The following TMEM163 variants were observed in gnomAD, a reference collection of about 807,000 sequenced individuals.
TMEM163 encodes the protein transmembrane protein 163.
Under a neutral mutation model 29.3 loss-of-function variants are expected in TMEM163, and 17 were observed. The observed-to-expected ratio is 0.58, with a 90% CI of 0.40 to 0.87. The LOEUF (loss-of-function observed/expected upper bound fraction) is 0.87. TMEM163 is among the 40% of genes least tolerant of loss of function. The probability of loss-of-function intolerance (pLI) is 0.00; values close to 1 mark genes in which losing one functional copy is unlikely to be tolerated. For synonymous variants in TMEM163, 157 were observed against 160.6 expected (o/e 0.98, Z 0.17); for missense variants, 303 against 381.5 (o/e 0.79, Z 1.71).
intron 5 of TMEM163, among the ~76,000 whole-genome samples, chr2:134,474,670 A>G (rs547465518): frequency 7.9e-4 from 121 of 152,308 alleles, no homozygotes; most frequent in African/African-American, 2.8e-3. Flanking sequence ...AAGTGAGTTT[A>G]ATAAGACCAC....
chr2:134,594,012 T>G (rs1195713421), intron 2 of TMEM163, among the ~76,000 whole-genome samples: 1 of 151,964 alleles, frequency 6.6e-6, no homozygotes, highest in Non-Finnish European at 1.5e-5. Flanking sequence ...GGTGGAGAAT[T>G]TAAAAGATGT....
rs1463585385 is a variant in TMEM163, at chr2:134,537,874, C to T, written c.458+12696G>A. 4.6e-5 allele frequency among the ~76,000 whole-genome samples: 7 copies of T among 152,176 alleles called. No individual in the cohort carries two copies. In the East Asian group the frequency reaches 1.3e-3, roughly 29 times the overall value. ...ACAATGACCCACTACTTCAATAGTA[C>T]TTTAATAACACTCAAGTACAAATCA... On this transcript the variant is annotated intron_variant, in intron 4 of 7. Transcript: ENST00000281924.
intron 2 of TMEM163, among the ~76,000 whole-genome samples, chr2:134,612,460 C>A (rs1682525334): frequency 6.6e-6 from 1 of 151,722 alleles, no homozygotes; most frequent in Admixed American, 6.6e-5. Context: ...TCATCCAGAG[C>A]AGATTTTAAG....
intron 4 of TMEM163, among the ~76,000 whole-genome samples, chr2:134,509,424 A>G (rs493729): frequency 0.4 from 60,221 of 151,964 alleles, 12,168 homozygotes; most frequent in South Asian, 0.62. Context: ...ATGTGAAGGC[A>G]CATCAGGCCT....
intron 2 of TMEM163, among the ~76,000 whole-genome samples, chr2:134,624,169 A>G (rs1682797438): frequency 6.6e-6 from 1 of 152,244 alleles, no homozygotes; most frequent in African/African-American, 2.4e-5. Context: ...ACATAAAGGC[A>G]GGTCTAGAAA....
At chr2:134,557,558 C>T (rs1188286452) in intron 2 of TMEM163, among the ~76,000 whole-genome samples, 1 of 152,104 alleles carries the variant, frequency 6.6e-6, no homozygotes, top group Non-Finnish European at 1.5e-5. Context: ...CAGGACAACT[C>T]AAGGTGGGGA....
At chr2:134,668,123 C>A (rs1232350946) in intron 2 of TMEM163, among the ~76,000 whole-genome samples, 1 of 152,108 alleles carries the variant, frequency 6.6e-6, no homozygotes, top group Non-Finnish European at 1.5e-5. Flanking sequence ...AAGAAATGGT[C>A]CAAAAGTAGC....
At chr2:134,598,953 G>T (rs1682160643) in intron 2 of TMEM163, among the ~76,000 whole-genome samples, 1 of 133,426 alleles carries the variant, frequency 7.5e-6, no homozygotes, top group Non-Finnish European at 1.6e-5. Flanking sequence ...AGAAAAGAAA[G>T]CATTGCCATT....
At position 134,586,051 on chromosome 2, in the gene TMEM163, A is replaced by G. The variant is rs574441012; in HGVS notation, c.323-33960T>C. Reference sequence around the variant, plus strand: ...AGCAAGGCTCTAAGGACCACAAAACAGTGTTCAAAGTTTGGGTCATCAATT... The same window carrying G: ...AGCAAGGCTCTAAGGACCACAAAACGGTGTTCAAAGTTTGGGTCATCAATT... On this transcript the variant is annotated intron_variant, in intron 2 of 7. Coordinates refer to ENST00000281924, the MANE Select transcript of TMEM163 (RefSeq NM_030923.5). Among the ~76,000 whole-genome samples the G allele has an allele frequency of 9.2e-5, 14 of 152,360 alleles. 2 individuals are homozygous for G. In the South Asian group the frequency reaches 2.7e-3, roughly 29 times the overall value.
chr2:134,456,510 A>G lies in TMEM163; in HGVS notation c.*206T>C, dbSNP rs1007345369. On this transcript the variant is annotated 3_prime_UTR_variant, in exon 8 of 8. Transcript: ENST00000281924. ...GAGACGGGGAAGGAGGTCCATTCCT[A>G]TGGGCATTGTCCCAACATGTTTGAT... 4 of 608,120 alleles carry G rather than the reference A, an allele frequency of 6.6e-6. No individual in the cohort carries two copies. Among genetic ancestry groups the G allele is most frequent in the African/African-American group, 3.7e-5 (2 of 54,250 alleles). The allele number at this position is 608,120 out of a possible 1,614,324, so 37.7% of individuals were successfully genotyped here. A position where few individuals can be genotyped will look rare whatever the true frequency, so the allele number is the denominator to read the frequency against.
At chr2:134,525,233 G>C (rs1680268689) in intron 4 of TMEM163, among the ~76,000 whole-genome samples, 1 of 152,188 alleles carries the variant, frequency 6.6e-6, no homozygotes, top group Admixed American at 6.5e-5. Flanking sequence ...GCATCACCTG[G>C]GAGCTTGTTA....
chr2:134,554,544 C>T (rs1681005908), intron 2 of TMEM163, among the ~76,000 whole-genome samples: 1 of 151,314 alleles, frequency 6.6e-6, no homozygotes, highest in Non-Finnish European at 1.5e-5. Context: ...AGAAAAATCA[C>T]TTCCCCCGAC....
intron 2 of TMEM163, among the ~76,000 whole-genome samples, chr2:134,629,406 T>A (rs1173888931): frequency 6.6e-6 from 1 of 152,252 alleles, no homozygotes; most frequent in East Asian, 1.9e-4. Context: ...CTTTCAGATA[T>A]ACTGTGCTTC....
At chr2:134,560,538 G>T (rs958617337) in intron 2 of TMEM163, among the ~76,000 whole-genome samples, 1 of 152,172 alleles carries the variant, frequency 6.6e-6, no homozygotes, top group African/African-American at 2.4e-5. Flanking sequence ...GCCGCAGCTG[G>T]CACTTTCTGG....
chr2:134,634,130 C>T (rs1351062643), intron 2 of TMEM163, among the ~76,000 whole-genome samples: 1 of 151,138 alleles, frequency 6.6e-6, no homozygotes, highest in African/African-American at 2.4e-5. Flanking sequence ...ACATAGGCAG[C>T]AAAAGTTCAA....
intron 2 of TMEM163, among the ~76,000 whole-genome samples, chr2:134,633,997 ATATATATATATATATATATATAT>A (rs1558971823): frequency 0.14 from 4,829 of 35,456 alleles, 472 homozygotes; most frequent in African/African-American, 0.33. Context: ...ATATATATAT[ATATATATATATATATATATATAT>A]AATAGGACTG....
intron 2 of TMEM163, among the ~76,000 whole-genome samples, chr2:134,606,425 G>A (rs1158663421): frequency 1.3e-5 from 2 of 151,588 alleles, no homozygotes; most frequent in Non-Finnish European, 1.5e-5. Context: ...CCTTCATCTC[G>A]CCACAATCAA....
intron 5 of TMEM163, among the ~76,000 whole-genome samples, chr2:134,491,318 C>T (rs180903915): frequency 6.6e-5 from 10 of 152,290 alleles, no homozygotes; most frequent in Admixed American, 3.3e-4. Context: ...TTCCCTAACC[C>T]AGCACCCCCT....
intron 2 of TMEM163, among the ~76,000 whole-genome samples, chr2:134,625,494 T>C (rs1429034969): frequency 1.3e-5 from 2 of 152,194 alleles, no homozygotes; most frequent in East Asian, 3.8e-4. Flanking sequence ...TCATACGCAG[T>C]TCTGAGTCAG....
Sources: allele counts gnomAD v4.1 joint callset (sites outside exome capture counted in the v4.1 genomes callset), GRCh38; gene constraint gnomAD v4.1.1; transcripts MANE v1.5; gene names NCBI Gene and HGNC (gene_info 2026-07-23, HGNC 2026-07-21).